ELOVL6: variants seen among roughly 807,000 people sequenced by gnomAD.
ELOVL6 encodes the protein ELOVL fatty acid elongase 6.
Under a neutral mutation model 31.7 loss-of-function variants are expected in ELOVL6, and 8 were observed. The ratio of observed to expected loss-of-function variants is 0.25; its 90% confidence interval spans 0.15 to 0.45. The LOEUF (loss-of-function observed/expected upper bound fraction) is 0.45. Ranked by LOEUF, ELOVL6 falls within the 20% of genes least tolerant of loss-of-function variation. The pLI is 1.00. For missense variants in ELOVL6, 126 were observed against 326.4 expected (o/e 0.39, Z 4.73); for synonymous variants, 101 against 117.7 (o/e 0.86, Z 0.92).
intron 2 of ELOVL6, chr4:110,093,083 T>C (rs1756470767): frequency 4.5e-6 from 2 of 448,586 alleles, no homozygotes; most frequent in Non-Finnish European, 8.9e-6. Context: ...CCCATTTTGG[T>C]AAAACGATTT....
At chr4:110,187,631 G>A (rs1759489359) in intron 1 of ELOVL6, among the ~76,000 whole-genome samples, 2 of 151,218 alleles carry the variant, frequency 1.3e-5, no homozygotes. Context: ...AGGAGGCAGA[G>A]GTTGCAGTGA....
chr4:110,191,488 G>A (rs751131598), intron 1 of ELOVL6, among the ~76,000 whole-genome samples: 6 of 152,168 alleles, frequency 3.9e-5, no homozygotes, highest in Non-Finnish European at 7.3e-5. Context: ...TTTGTAGAAT[G>A]ATGTCTGGTT....
At position 110,098,903 on chromosome 4, in the gene ELOVL6, C is replaced by A. The variant is rs575709314; in HGVS notation, c.221+6594G>T. On this transcript the variant is annotated intron_variant, in intron 2 of 3. Coordinates refer to ENST00000302274, the MANE Select transcript of ELOVL6 (RefSeq NM_024090.3). ...ATAGTATCAGTACAATCATTGTCAT[C>A]ATCATTGTTTTTGTGGATTAAGATG... 1.9e-3 allele frequency among the ~76,000 whole-genome samples: 285 copies of A among 152,218 alleles called. 1 individual carries two copies. Among genetic ancestry groups the A allele is most frequent in the African/African-American group, 6.6e-3 (273 of 41,556 alleles).
rs896002903 is a variant in ELOVL6 at position 110,051,787 on chromosome 4, A to T, written c.374-25T>A. ...CCTGGAAGACAAAGAGGAAGAAGGT[A>T]CGTGAGATCCTTGACCACCAGTAAC... On this transcript the variant is annotated intron_variant, in intron 3 of 3. Coordinates refer to ENST00000302274, the MANE Select transcript of ELOVL6 (RefSeq NM_024090.3). The surrounding 1 kb of genome is among the most constrained non-coding windows in gnomAD (Gnocchi z 4.8). The T allele has an allele frequency of 1.9e-6, 3 of 1,595,596 alleles. No individual in the cohort carries two copies. Among genetic ancestry groups the T allele is most frequent in the Non-Finnish European group, 2.6e-6 (3 of 1,169,312 alleles).
In ELOVL6 at chr4:110,084,077, T is replaced by TATATAACATACGCC. The variant is rs1756026590; in HGVS notation, c.221+21419_221+21420insGGCGTATGTTATAT. Among the ~76,000 whole-genome samples, 3 of 77,138 alleles carry TATATAACATACGCC rather than the reference T, an allele frequency of 3.9e-5. 1 individual carries two copies. Among genetic ancestry groups the TATATAACATACGCC allele is most frequent in the Non-Finnish European group, 4.4e-5 (2 of 45,060 alleles). The allele number at this position is 77,138 out of a possible 152,430, so 50.6% of individuals were successfully genotyped here. The stretch of plus-strand genomic sequence containing the variant: ...TATATGATATATAACATATATATGC[T>TATATAACATACGCC]ATATATGATATATAACATATATATG... On this transcript the variant is annotated intron_variant, in intron 2 of 3. Coordinates refer to ENST00000302274, the MANE Select transcript of ELOVL6 (RefSeq NM_024090.3).
At chr4:110,134,118 T>G (rs1257519568) in intron 1 of ELOVL6, among the ~76,000 whole-genome samples, 1 of 152,204 alleles carries the variant, frequency 6.6e-6, no homozygotes, top group Non-Finnish European at 1.5e-5. Context: ...TACATTACAA[T>G]GTTATAGTGT....
rs186171316 is a variant in ELOVL6, at chr4:110,115,885, C to T, written c.90-10257G>A. Reference sequence around the variant, plus strand: ...GAAGGCTCTATGGCAGAATCCATTTCCTTGCCTTTTCCAACATCTAGAGTC... The same window carrying T: ...GAAGGCTCTATGGCAGAATCCATTTTCTTGCCTTTTCCAACATCTAGAGTC... On this transcript the variant is annotated intron_variant, in intron 1 of 3. Coordinates refer to ENST00000302274, the MANE Select transcript of ELOVL6 (RefSeq NM_024090.3). Among the ~76,000 whole-genome samples the T allele has an allele frequency of 5.3e-3, 807 of 152,288 alleles. 6 individuals are homozygous for T. The highest frequency in any genetic ancestry group is 7.7e-3 in the Non-Finnish European group (523 of 68,024).
At chr4:110,108,195 TAC>T (rs1262620635) in intron 1 of ELOVL6, among the ~76,000 whole-genome samples, 1 of 152,200 alleles carries the variant, frequency 6.6e-6, no homozygotes, top group Non-Finnish European at 1.5e-5. Flanking sequence ...AAATTAATTA[TAC>T]ATATACCATG....
intron 2 of ELOVL6, among the ~76,000 whole-genome samples, chr4:110,063,558 A>T (rs17041324): frequency 0.1 from 15,582 of 151,558 alleles, 1,021 homozygotes; most frequent in East Asian, 0.26. Flanking sequence ...AGCACTTTCC[A>T]TAGAAGGGCT....
chr4:110,072,362 G>A (rs1054231614), intron 2 of ELOVL6, among the ~76,000 whole-genome samples: 2 of 152,198 alleles, frequency 1.3e-5, no homozygotes, highest in African/African-American at 4.8e-5. Context: ...TGTAATCCCA[G>A]GTACTTGGGA....
intron 1 of ELOVL6, among the ~76,000 whole-genome samples, chr4:110,120,961 T>C (rs1050240883): frequency 6.6e-6 from 1 of 152,054 alleles, no homozygotes; most frequent in Admixed American, 6.6e-5. Context: ...CCACCACGCC[T>C]GGCTAATTTT....
chr4:110,059,975 A>G, intron 2 of ELOVL6: 1 of 421,250 alleles, frequency 2.4e-6, no homozygotes, highest in Admixed American at 4.1e-5. Flanking sequence ...CTTCCTCTTC[A>G]TCACTGTTCC....
At chr4:110,181,370 C>G (rs1032398513) in intron 1 of ELOVL6, among the ~76,000 whole-genome samples, 1 of 152,056 alleles carries the variant, frequency 6.6e-6, no homozygotes, top group African/African-American at 2.4e-5. Flanking sequence ...ATCACCAGAG[C>G]CCGGGAGGTT....
Position 110,117,903 on chromosome 4 carries a change from A to AAAAAAAAAAAAAAAATT in ELOVL6, c.90-12276_90-12275insAATTTTTTTTTTTTTTT. ...TCTCAAAAAAAAAAAAAAAAAAAAA[A>AAAAAAAAAAAAAAAATT]ATATATATATATATATATATATCTC... On this transcript the variant is annotated intron_variant, in intron 1 of 3. Transcript: ENST00000302274. 6.3e-3 allele frequency: 41 copies of AAAAAAAAAAAAAAAATT among 6,504 alleles called. 1 individual carries two copies. The highest frequency in any genetic ancestry group is 0.013 in the African/African-American group (39 of 3,064). 0.4% of individuals were successfully genotyped at this position (6,504 alleles called of 1,614,324 possible). A position where few individuals can be genotyped will look rare whatever the true frequency, so the allele number is the denominator to read the frequency against.
At chr4:110,069,763 GAA>G (rs1265608429) in intron 2 of ELOVL6, among the ~76,000 whole-genome samples, 1 of 152,134 alleles carries the variant, frequency 6.6e-6, no homozygotes, top group Non-Finnish European at 1.5e-5. Flanking sequence ...TGCCTGGCTG[GAA>G]ATGACAATCA....
At position 110,081,558 on chromosome 4, in the gene ELOVL6, G is replaced by A. The variant is rs542313367; in HGVS notation, c.222-21804C>T. Among the ~76,000 whole-genome samples, 10 of 151,676 alleles carry A rather than the reference G, an allele frequency of 6.6e-5. No homozygotes were observed. In the South Asian group the frequency reaches 1.5e-3, roughly 22 times the overall value. On this transcript the variant is annotated intron_variant, in intron 2 of 3. Coordinates refer to ENST00000302274, the MANE Select transcript of ELOVL6 (RefSeq NM_024090.3). ...TAGTCATATGTATAAAGCTGAAACT[G>A]GATCCCTTCCTTACACCTTATACAA...
intron 2 of ELOVL6, among the ~76,000 whole-genome samples, chr4:110,084,214 ATAACT>A (rs1756079239): frequency 1.3e-5 from 1 of 78,722 alleles, no homozygotes; most frequent in Non-Finnish European, 2.3e-5. Context: ...TATATAACAT[ATAACT>A]TATATGATAT....
At chr4:110,072,693 A>G (rs1755526587) in intron 2 of ELOVL6, among the ~76,000 whole-genome samples, 5 of 152,104 alleles carry the variant, frequency 3.3e-5, no homozygotes, top group Non-Finnish European at 7.4e-5. Context: ...GAGCACTTTT[A>G]TCTCTGACCT....
At chr4:110,098,838 T>C (rs75481030) in intron 2 of ELOVL6, among the ~76,000 whole-genome samples, 2,236 of 152,314 alleles carry the variant, frequency 0.015, 55 homozygotes, top group African/African-American at 0.049. Context: ...GCTTTTGTCC[T>C]ATGACACTTA....
Sources: allele counts gnomAD v4.1 joint callset (sites outside exome capture counted in the v4.1 genomes callset), GRCh38; gene constraint gnomAD v4.1.1; non-coding constraint Gnocchi (gnomAD v3.1); transcripts MANE v1.5; gene names NCBI Gene and HGNC (gene_info 2026-07-23, HGNC 2026-07-21).